The following CCDC93 variants were observed in gnomAD, a reference collection of about 807,000 sequenced individuals.
The protein encoded by CCDC93 is CCC complex scaffolding subunit CCDC93.
A neutral mutation model predicts 108.2 loss-of-function variants in CCDC93; 61 were observed. The ratio of observed to expected loss-of-function variants is 0.56; its 90% CI spans 0.46 to 0.70. The LOEUF is 0.70. Ranked by LOEUF, CCDC93 falls within the 30% of genes least tolerant of loss-of-function variation. The pLI is 0.00. For missense variants in CCDC93, 685 were observed against 764.2 expected (o/e 0.90, Z 1.22); for synonymous variants, 276 against 260.4 (o/e 1.06, Z -0.58).
intron 11 of CCDC93, among the ~76,000 whole-genome samples, chr2:117,965,081 T>C (rs1358153840): frequency 1.3e-5 from 2 of 152,220 alleles, no homozygotes; most frequent in African/African-American, 2.4e-5. Context: ...TATTATGTTA[T>C]GTGAGGAAAT....
intron 22 of CCDC93, among the ~76,000 whole-genome samples, chr2:117,932,681 C>A (rs1213102697): frequency 6.6e-6 from 1 of 152,200 alleles, no homozygotes; most frequent in Non-Finnish European, 1.5e-5. Context: ...ACTTGGAGCC[C>A]TGGCTCAGCA....
At chr2:117,996,406 C>G in intron 4 of CCDC93, 44 bp from the exon 5 acceptor site, 1 of 1,397,320 alleles carries the variant, frequency 7.2e-7, no homozygotes, top group Non-Finnish European at 1.0e-6. Flanking sequence ...AGGACAACAT[C>G]CCACTGAAGT....
intron 6 of CCDC93, among the ~76,000 whole-genome samples, chr2:117,993,908 A>G (rs1680564113): frequency 6.6e-6 from 1 of 152,046 alleles, no homozygotes. Context: ...TAAATTTTGT[A>G]TTTTTTGTAG....
chr2:117,980,621 C>T (rs1283482820), intron 7 of CCDC93, among the ~76,000 whole-genome samples: 1 of 152,140 alleles, frequency 6.6e-6, no homozygotes, highest in Admixed American at 6.5e-5. Flanking sequence ...ATGAGTAATC[C>T]GCTAAGCCTT....
At chr2:117,929,714 A>T (rs1678261676) in intron 23 of CCDC93, among the ~76,000 whole-genome samples, 2 of 152,098 alleles carry the variant, frequency 1.3e-5, no homozygotes. Flanking sequence ...CTGCCAGTTC[A>T]CTCACTGGCC....
chr2:117,931,372 A>T, intron 22 of CCDC93: 1 of 403,144 alleles, frequency 2.5e-6, no homozygotes. Flanking sequence ...AACTGTTTCC[A>T]TTTTTTTTTC....
At chr2:117,927,264 G>GC in intron 23 of CCDC93, among the ~76,000 whole-genome samples, 1 of 152,142 alleles carries the variant, frequency 6.6e-6, no homozygotes, top group East Asian at 1.9e-4. Context: ...TGGAAGTTCT[G>GC]GTCAGGGCAA....
At chr2:117,968,506 G>C (rs1679660474) in intron 11 of CCDC93, among the ~76,000 whole-genome samples, 1 of 152,142 alleles carries the variant, frequency 6.6e-6, no homozygotes, top group Admixed American at 6.6e-5. Context: ...CATGAATTAT[G>C]TATCTGGAAG....
At chr2:117,932,793 T>C (rs913434198) in intron 22 of CCDC93, among the ~76,000 whole-genome samples, 2 of 152,182 alleles carry the variant, frequency 1.3e-5, no homozygotes, top group Non-Finnish European at 2.9e-5. Flanking sequence ...CCACCGCAGT[T>C]CCCACTACTG....
In CCDC93 at chr2:117,936,574, AGAATCACATAC is replaced by A. The variant is rs1678532076; in HGVS notation, c.1643+117_1643+127del. ...ACTTAGCAGAAGGGCTAAAAGAGTA[AGAATCACATAC>A]CCAGTGTTAAGTCTTGCATGTACCT... On this transcript the variant is annotated intron_variant, in intron 21 of 23. Coordinates refer to ENST00000376300, the MANE Select transcript of CCDC93 (RefSeq NM_019044.5). 16 of 783,488 alleles carry A rather than the reference AGAATCACATAC, an allele frequency of 2.0e-5. 1 individual carries two copies. The highest frequency in any genetic ancestry group is 2.0e-4 in the South Asian group (14 of 71,284). 48.5% of individuals were successfully genotyped at this position (783,488 alleles called of 1,614,324 possible).
At chr2:117,923,088 T>C (rs1423666332) in intron 23 of CCDC93, among the ~76,000 whole-genome samples, 1 of 151,842 alleles carries the variant, frequency 6.6e-6, no homozygotes. Flanking sequence ...ACATGCTAAA[T>C]GTGAGGTGAA....
chr2:117,920,938 C>G (rs1037435291), intron 23 of CCDC93, among the ~76,000 whole-genome samples: 1 of 152,168 alleles, frequency 6.6e-6, no homozygotes, highest in Non-Finnish European at 1.5e-5. Context: ...AATCCCAGCA[C>G]TTTGGGAGGC....
Position 117,931,109 on chromosome 2 carries a change from C to T in CCDC93, c.1770G>A (p.Gln590=), listed in dbSNP as rs76075041. Residue 590 remains glutamine (Q), a synonymous_variant, in exon 23 of 24, where the codon CAG becomes CAA. Transcript: ENST00000376300. The stretch of plus-strand genomic sequence containing the variant: ...ACAGCTCCAAGTACTGGTCGTTCAA[C>T]TGGTCTCTTCTCATTTTGTTCTCTT... The part of the protein sequence containing the change: ...KKQENKMRRD[Q]LNDQYLELLE... 4,633 of 1,613,886 alleles carry T rather than the reference C, an allele frequency of 2.9e-3. 17 individuals carry two copies. The highest frequency in any genetic ancestry group is 0.014 in the Middle Eastern group (87 of 6,060).
intron 4 of CCDC93, chr2:117,998,051 C>T (rs1378458679): frequency 6.6e-6 from 1 of 152,234 alleles, no homozygotes; most frequent in Non-Finnish European, 1.5e-5. Flanking sequence ...AACTCTTGGA[C>T]AGCCTAGCTC....
intron 7 of CCDC93, among the ~76,000 whole-genome samples, chr2:117,982,900 G>A (rs1338540048): frequency 6.6e-6 from 1 of 152,186 alleles, no homozygotes; most frequent in East Asian, 1.9e-4. Context: ...CCATACACAT[G>A]CTAGAGGGAG....
chr2:117,974,777 C>G, intron 10 of CCDC93, 73 bp downstream of exon 10: 1 of 1,169,374 alleles, frequency 8.6e-7, no homozygotes, highest in Admixed American at 2.0e-5. Flanking sequence ...AAGGTGGGCT[C>G]TCTGGGAGAA....
At chr2:117,974,418 G>C (rs1248906862) in intron 10 of CCDC93, among the ~76,000 whole-genome samples, 1 of 152,076 alleles carries the variant, frequency 6.6e-6, no homozygotes, top group Admixed American at 6.6e-5. Context: ...GTCTTCCCAG[G>C]CCTCAAAAAG....
intron 1 of CCDC93, 64 bp downstream of exon 1, chr2:118,013,890 G>T: frequency 6.9e-7 from 1 of 1,441,286 alleles, no homozygotes; most frequent in Non-Finnish European, 9.4e-7. Context: ...TCAGCCCGCC[G>T]CCCCGCGGCT....
At chr2:117,985,435 T>C in intron 7 of CCDC93, 1 of 978,068 alleles carries the variant, frequency 1.0e-6, no homozygotes, top group Non-Finnish European at 1.2e-6. Context: ...ACATAAAAGG[T>C]TAATACCCAG....
Sources: gnomAD v4.1 joint callset for allele counts (sites outside exome capture counted in the v4.1 genomes callset) on GRCh38, gnomAD v4.1.1 for gene constraint, MANE v1.5 for transcripts, NCBI Gene and HGNC (gene_info 2026-07-23, HGNC 2026-07-21) for gene names.